FOXM1: variants seen among roughly 807,000 people sequenced by gnomAD.
The protein encoded by FOXM1 is forkhead box protein M1.
In FOXM1, 25 loss-of-function variants were observed where a neutral mutation model predicts 63.6. That is an observed-to-expected ratio of 0.39 (90% CI 0.29 to 0.55). FOXM1 has a LOEUF of 0.55. Ranked by LOEUF, FOXM1 falls within the 20% of genes least tolerant of loss-of-function variation. The pLI, the probability that FOXM1 is intolerant of heterozygous loss-of-function variation, is 0.60. For synonymous variants in FOXM1, 387 were observed against 376.9 expected (o/e 1.03, Z -0.31); for missense variants, 879 against 958.7 (o/e 0.92, Z 1.10).
rs148487189 is a variant in FOXM1 at position 2,869,015 on chromosome 12, T to C, written c.655-261A>G. On this transcript the variant is annotated intron_variant, in intron 3 of 8. Transcript: ENST00000359843. ...TTGGAGAAAATCCAGTCCCTTCCAGTTGAAATTTCTTAGGAAAGTTTGAGT... is the reference window on the plus strand; with the variant it reads ...TTGGAGAAAATCCAGTCCCTTCCAGCTGAAATTTCTTAGGAAAGTTTGAGT... Among the ~76,000 whole-genome samples, 586 of 152,314 alleles carry C rather than the reference T, an allele frequency of 3.8e-3. 5 individuals are homozygous for C. The highest frequency in any genetic ancestry group is 0.013 in the African/African-American group (559 of 41,578).
chr12:2,863,403 T>C (rs987336475), intron 8 of FOXM1, among the ~76,000 whole-genome samples: 4 of 152,168 alleles, frequency 2.6e-5, no homozygotes, highest in Admixed American at 1.3e-4. Context: ...TTTTCTTTTC[T>C]TTTTTGAGAC....
At chr12:2,861,076 G>A (rs536858236) in intron 8 of FOXM1, among the ~76,000 whole-genome samples, 2 of 151,284 alleles carry the variant, frequency 1.3e-5, no homozygotes, top group South Asian at 4.2e-4. Context: ...GCTGAGGCAG[G>A]AGAATCGCTT....
rs560006994 is a variant in FOXM1 at position 2,862,233 on chromosome 12, AT to A, written c.1266+2086del. On this transcript the variant is annotated intron_variant, in intron 8 of 8. Coordinates refer to ENST00000359843, the MANE Select transcript of FOXM1 (RefSeq NM_021953.4). ...AGAGAAGTATGCACAACATGATTAC[AT>A]TATCAATGTTCTGTGTGTTGTATGT... Among the ~76,000 whole-genome samples the A allele has an allele frequency of 1.8e-4, 27 of 152,132 alleles. 1 individual carries two copies. In the East Asian group the frequency reaches 5.2e-3, roughly 29 times the overall value.
rs1435669031 is a variant in FOXM1, at chr12:2,874,965, T to G, written c.-47-440A>C. Among the ~76,000 whole-genome samples the G allele has an allele frequency of 6.6e-6, 1 of 151,592 alleles. No individual in the cohort carries two copies. The highest frequency in any genetic ancestry group is 2.4e-5 in the African/African-American group (1 of 41,268). ...TCCTGATGAAACTCTGATCCCATAA[T>G]CCATTCAAGACAAAGGATTTTAATT... On this transcript the variant is annotated intron_variant, in intron 1 of 8. Transcript: ENST00000359843. This position sits in a 1 kb window ranked among gnomAD's most constrained non-coding sequence, Gnocchi z 4.3.
chr12:2,858,461 CA>C lies in FOXM1; in HGVS notation c.*176del. 3.4e-6 allele frequency: 2 copies of C among 589,826 alleles called. No homozygotes were observed. The highest frequency in any genetic ancestry group is 6.0e-6 in the Non-Finnish European group (2 of 336,076). 36.5% of individuals were successfully genotyped at this position (589,826 alleles called of 1,614,324 possible). ...AGAGGAATCAGATACTCTTGGGGAA[CA>C]CAAGGTCCCAGCAGTGGCTAGGGTG... On this transcript the variant is annotated 3_prime_UTR_variant, in exon 9 of 9. Coordinates refer to ENST00000359843, the MANE Select transcript of FOXM1 (RefSeq NM_021953.4).
chr12:2,866,844 C>T (rs542730349), intron 4 of FOXM1, among the ~76,000 whole-genome samples: 392 of 152,258 alleles, frequency 2.6e-3, no homozygotes, highest in African/African-American at 9.0e-3. Flanking sequence ...AAAGGTGGCT[C>T]AGAGAAATTA....
intron 1 of FOXM1, among the ~76,000 whole-genome samples, chr12:2,875,424 G>A (rs955089590): frequency 6.6e-6 from 1 of 152,156 alleles, no homozygotes; most frequent in Non-Finnish European, 1.5e-5. Context: ...ACATAAAATG[G>A]AAACCTCTAC....
chr12:2,865,369 CGGG>C lies in FOXM1; in HGVS notation c.1003_1005del (p.Pro335del). On this transcript the variant is annotated inframe_deletion, in exon 6 of 9. Coordinates refer to ENST00000359843, the MANE Select transcript of FOXM1 (RefSeq NM_021953.4). ...AAGAACCTTACTGATTCCAAGTGCT[CGGG>C]CAATTGTGGAGACCCTGGGTCCAGT... 17 of 1,610,534 alleles carry C rather than the reference CGGG, an allele frequency of 1.1e-5. No individual in the cohort carries two copies. Among genetic ancestry groups the C allele is most frequent in the Non-Finnish European group, 1.4e-5 (17 of 1,178,182 alleles).
chr12:2,864,395 C>A lies in FOXM1; in HGVS notation c.1191G>T (p.Val397=). 1 of 1,614,132 alleles carries A rather than the reference C, an allele frequency of 6.2e-7. No homozygotes were observed. ...TGAGGGAAGCCGCCAGGGGCAATGG[C>A]ACCTTCACCGAGGGCTGCAACACCA... The part of the protein sequence containing the change: ...QSLVLQPSVK[V]PLPLAASLMS... Residue 397 remains valine, a synonymous_variant, in exon 8 of 9, where the codon GTG becomes GTT. Transcript: ENST00000359843. The surrounding 1 kb of genome is among the most constrained non-coding windows in gnomAD (Gnocchi z 5.1).
At position 2,872,115 on chromosome 12, in the gene FOXM1, A is replaced by G. The variant is rs778018704; in HGVS notation, c.635T>C (p.Leu212Pro). Residue 212 changes from leucine (L) to proline (P), a missense_variant, in exon 3 of 9, where the codon CTG (leucine) becomes CCG (proline). Transcript: ENST00000359843. This position sits in a 1 kb window ranked among gnomAD's most constrained non-coding sequence, Gnocchi z 4.0. ...ATTCACCTTAACCTGTCGCTGCTCC[A>G]GGTGACAATTCTCCTTTTCCTCCAT... ...QEMEEKENCH[L>P]EQRQVKVEEP... 2 of 1,614,204 alleles carry G rather than the reference A, an allele frequency of 1.2e-6. No individual in the cohort carries two copies. Among genetic ancestry groups the G allele is most frequent in the South Asian group, 2.2e-5 (2 of 91,082 alleles).
intron 3 of FOXM1, among the ~76,000 whole-genome samples, chr12:2,871,115 G>C (rs903830708): frequency 6.6e-6 from 1 of 151,878 alleles, no homozygotes; most frequent in Non-Finnish European, 1.5e-5. Context: ...CACTACCTGG[G>C]TGACAAAATC....
chr12:2,864,556 A>G lies in FOXM1; in HGVS notation c.1091-61T>C. 1.3e-6 allele frequency: 2 copies of G among 1,586,390 alleles called. No homozygotes were observed. Among genetic ancestry groups the G allele is most frequent in the East Asian group, 2.2e-5 (1 of 44,506 alleles). ...CTGGAGTACACCCCTTCTCAGCCCC[A>G]GGAGCTTTGCTCTCCTTCTCTGGGC... On this transcript the variant is annotated intron_variant, in intron 7 of 8. Coordinates refer to ENST00000359843, the MANE Select transcript of FOXM1 (RefSeq NM_021953.4). The surrounding 1 kb of genome is among the most constrained non-coding windows in gnomAD (Gnocchi z 5.1).
intron 8 of FOXM1, among the ~76,000 whole-genome samples, chr12:2,860,992 C>A (rs2098111416): frequency 6.6e-6 from 1 of 151,448 alleles, no homozygotes; most frequent in South Asian, 2.1e-4. Flanking sequence ...GATGGTGAAA[C>A]CCTGTCTCTA....
rs2098098467 is a variant in FOXM1, at chr12:2,858,735, C to G, written c.2195G>C (p.Ser732Thr). The G allele has an allele frequency of 6.2e-7, 1 of 1,614,086 alleles. No homozygotes were observed. Among genetic ancestry groups the G allele is most frequent in the African/African-American group, 1.3e-5 (1 of 74,928 alleles). ...AAAGCTGATGTCCAGCAGGATCTTG[C>G]TGAGGCTGTCATTCATTGTGTCCAG... is the stretch of plus-strand genomic sequence containing the variant. ...LVLDTMNDSL[S>T]KILLDISFPG... The change falls in exon 9 of 9, where the codon AGC (serine) becomes ACC (threonine). Residue 732 changes from serine (S) to threonine (T), a missense_variant. Physicochemically the swap from Ser to Thr is moderately conservative, Grantham distance 58 (BLOSUM62 1). Coordinates refer to ENST00000359843, the MANE Select transcript of FOXM1 (RefSeq NM_021953.4).
chr12:2,861,354 C>T lies in FOXM1; in HGVS notation c.1267-1691G>A, dbSNP rs562950863. On this transcript the variant is annotated intron_variant, in intron 8 of 8. Transcript: ENST00000359843. ...GCTGGTGATGGGTGTACCAAAATCT[C>T]GCAGATCGCCACTAAAGAACTTACT... 5.2e-4 allele frequency: 380 copies of T among 735,874 alleles called. 7 individuals are homozygous for T. In the South Asian group the frequency reaches 5.5e-3, roughly 11 times the overall value. The allele number at this position is 735,874 out of a possible 1,614,324, so 45.6% of individuals were successfully genotyped here.
Position 2,859,149 on chromosome 12 carries a change from A to T in FOXM1, c.1781T>A (p.Val594Glu). Reference protein sequence around the residue: ...PASQLSYSQEVGGPFKTPIKE... With the variant: ...PASQLSYSQEEGGPFKTPIKE... ...AATGGGTGTCTTAAAAGGTCCTCCC[A>T]CTTCCTGGGAGTAGCTGAGCTGGGA... Residue 594 changes from valine to glutamate, a missense_variant, in exon 9 of 9, where the codon GTG (valine) becomes GAG (glutamate). This residue lies in a region of FOXM1 where 486 missense variants were observed against 453.5 expected (regional missense o/e 1.07). Coordinates refer to ENST00000359843, the MANE Select transcript of FOXM1 (RefSeq NM_021953.4). 2 of 1,606,544 alleles carry T rather than the reference A, an allele frequency of 1.2e-6. No homozygotes were observed. Among genetic ancestry groups the T allele is most frequent in the Non-Finnish European group, 1.7e-6 (2 of 1,176,426 alleles).
chr12:2,876,060 C>A (rs2098142917), intron 1 of FOXM1, among the ~76,000 whole-genome samples: 2 of 152,054 alleles, frequency 1.3e-5, no homozygotes, highest in South Asian at 4.1e-4. Flanking sequence ...TGCGCCCGGC[C>A]TTTTGTTGAT....
chr12:2,865,745 T>C (rs1369845380), intron 5 of FOXM1, among the ~76,000 whole-genome samples: 3 of 145,808 alleles, frequency 2.1e-5, no homozygotes, highest in African/African-American at 5.0e-5. Flanking sequence ...CACCGCCTCC[T>C]GGGTTCAAGG....
intron 8 of FOXM1, among the ~76,000 whole-genome samples, chr12:2,860,663 A>G (rs1215281706): frequency 6.6e-6 from 1 of 151,654 alleles, no homozygotes; most frequent in Non-Finnish European, 1.5e-5. Flanking sequence ...ACCTGAGGTC[A>G]GAAGTTCGAG....
Sources: allele counts gnomAD v4.1 joint callset (sites outside exome capture counted in the v4.1 genomes callset), GRCh38; gene constraint gnomAD v4.1.1; regional missense constraint gnomAD v4.1.1; non-coding constraint Gnocchi (gnomAD v3.1); transcripts MANE v1.5; gene names NCBI Gene and HGNC (gene_info 2026-07-23, HGNC 2026-07-21).